TPH2: variants seen among roughly 807,000 people sequenced by gnomAD.
The protein encoded by TPH2 is tryptophan hydroxylase 2, also known as tryptophan 5-hydroxylase 2.
In TPH2, 27 loss-of-function variants were observed where a neutral mutation model predicts 59.1. The ratio of observed to expected loss-of-function variants is 0.46; its 90% CI spans 0.34 to 0.63. The LOEUF is 0.63. Among genes scored for constraint, TPH2 ranks in the 30% least tolerant of loss-of-function variants. The pLI is 0.01. For missense variants in TPH2, 523 were observed against 588.3 expected (o/e 0.89, Z 1.15); for synonymous variants, 220 against 210.5 (o/e 1.05, Z -0.39).
chr12:72,007,404 C>T (rs1016972006), intron 8 of TPH2, among the ~76,000 whole-genome samples: 1 of 152,162 alleles, frequency 6.6e-6, no homozygotes, highest in Non-Finnish European at 1.5e-5. Context: ...ATACATGCAG[C>T]CTTCCCTGAA....
At chr12:72,001,124 G>A (rs1208207093) in intron 8 of TPH2, among the ~76,000 whole-genome samples, 1 of 152,208 alleles carries the variant, frequency 6.6e-6, no homozygotes, top group Non-Finnish European at 1.5e-5. Flanking sequence ...TTCCAAAGCA[G>A]AATAAATCGG....
At chr12:71,951,376 G>T (rs1423532038) in intron 5 of TPH2, among the ~76,000 whole-genome samples, 1 of 152,112 alleles carries the variant, frequency 6.6e-6, no homozygotes, top group Non-Finnish European at 1.5e-5. Context: ...TTTGTAGCAT[G>T]ACCAGCCAGA....
At chr12:72,006,529 G>A (rs547257722) in intron 8 of TPH2, among the ~76,000 whole-genome samples, 227 of 152,114 alleles carry the variant, frequency 1.5e-3, no homozygotes, top group African/African-American at 5.2e-3. Flanking sequence ...GAAAGGTAGG[G>A]GATGAGGAAT....
intron 8 of TPH2, among the ~76,000 whole-genome samples, chr12:72,017,664 A>G (rs1180972828): frequency 1.3e-5 from 2 of 151,994 alleles, no homozygotes; most frequent in Non-Finnish European, 2.9e-5. Flanking sequence ...GCATATTTTT[A>G]TTTTTTTGTT....
At chr12:71,970,330 C>T (rs968275861) in intron 5 of TPH2, among the ~76,000 whole-genome samples, 1 of 152,146 alleles carries the variant, frequency 6.6e-6, no homozygotes, top group African/African-American at 2.4e-5. Context: ...TACATGACCA[C>T]TCATATTCCC....
In TPH2 at chr12:72,031,921, A is replaced by G. The variant is rs1370577429; in HGVS notation, c.*226A>G. 2 of 563,362 alleles carry G rather than the reference A, an allele frequency of 3.6e-6. No individual in the cohort carries two copies. The highest frequency in any genetic ancestry group is 2.0e-5 in the South Asian group (1 of 49,836). 34.9% of individuals were successfully genotyped at this position (563,362 alleles called of 1,614,324 possible). A position where few individuals can be genotyped will look rare whatever the true frequency, so the allele number is the denominator to read the frequency against. On this transcript the variant is annotated 3_prime_UTR_variant, in exon 11 of 11. Coordinates refer to ENST00000333850, the MANE Select transcript of TPH2 (RefSeq NM_173353.4). ...ATGAAATAACGTATTATGTTTAAAC[A>G]TCTTAAAAAGATTTGACATTCCTGC... is the stretch of plus-strand genomic sequence containing the variant.
chr12:71,991,439 T>G (rs906708048), intron 7 of TPH2, among the ~76,000 whole-genome samples: 1 of 152,240 alleles, frequency 6.6e-6, no homozygotes, highest in Non-Finnish European at 1.5e-5. Context: ...GTTACTTTAG[T>G]TTCCGCTCAC....
At chr12:71,992,348 G>T (rs1269591712) in intron 7 of TPH2, among the ~76,000 whole-genome samples, 1 of 152,146 alleles carries the variant, frequency 6.6e-6, no homozygotes, top group Non-Finnish European at 1.5e-5. Context: ...TTGGGAGGCC[G>T]AGGTGGGCGG....
intron 8 of TPH2, among the ~76,000 whole-genome samples, chr12:72,012,030 G>T (rs962294397): frequency 6.6e-6 from 1 of 152,166 alleles, no homozygotes; most frequent in Non-Finnish European, 1.5e-5. Flanking sequence ...CACTCAGAAG[G>T]CTGACATTGA....
chr12:71,959,710 C>A (rs1018751008), intron 5 of TPH2, among the ~76,000 whole-genome samples: 1 of 151,762 alleles, frequency 6.6e-6, no homozygotes, highest in Non-Finnish European at 1.5e-5. Flanking sequence ...TTTAGATAGG[C>A]GAATCTTAAT....
chr12:71,970,389 A>T (rs4362185), intron 5 of TPH2, among the ~76,000 whole-genome samples: 89,549 of 151,458 alleles, frequency 0.59, 26,719 homozygotes, highest in African/African-American at 0.65. Flanking sequence ...CCTGTATAAC[A>T]ATTTCTTCCT....
At chr12:72,025,127 C>T (rs1873531660) in intron 9 of TPH2, among the ~76,000 whole-genome samples, 1 of 152,164 alleles carries the variant, frequency 6.6e-6, no homozygotes, top group East Asian at 1.9e-4. Flanking sequence ...AAATGATAGT[C>T]CTGGACCCAT....
chr12:71,943,641 T>C (rs1871130681), intron 2 of TPH2, among the ~76,000 whole-genome samples: 1 of 152,058 alleles, frequency 6.6e-6, no homozygotes, highest in South Asian at 2.1e-4. Context: ...TCACCCTCCT[T>C]GCAATCATCT....
chr12:71,996,900 C>A (rs1238171492), intron 8 of TPH2, among the ~76,000 whole-genome samples: 1 of 152,160 alleles, frequency 6.6e-6, no homozygotes, highest in East Asian at 1.9e-4. Flanking sequence ...TGACAATGTT[C>A]TCCTCACTTT....
At chr12:72,012,676 G>A (rs1317912611) in intron 8 of TPH2, among the ~76,000 whole-genome samples, 1 of 152,242 alleles carries the variant, frequency 6.6e-6, no homozygotes, top group Non-Finnish European at 1.5e-5. Context: ...GAGTATCTTA[G>A]ATGGATCTTG....
chr12:71,947,957 G>C (rs534170729), intron 4 of TPH2, among the ~76,000 whole-genome samples: 1 of 152,090 alleles, frequency 6.6e-6, no homozygotes, highest in Non-Finnish European at 1.5e-5. Flanking sequence ...GCTTTTCACA[G>C]GACGCTTTTC....
rs41317122 is a variant in TPH2 at position 72,031,311 on chromosome 12, C to T, written c.1218C>T (p.Cys406=). The T allele has an allele frequency of 5.3e-5, 85 of 1,613,538 alleles. 1 individual carries two copies. The African/African-American group carries it at 9.6e-4, about 18-fold the overall frequency. Residue 406 remains cysteine, a synonymous_variant, in exon 10 of 11, where the codon TGC becomes TGT. Coordinates refer to ENST00000333850, the MANE Select transcript of TPH2 (RefSeq NM_173353.4). ...AAGCCTTTGACCCAAAGACAACTTGCTTACAGGAATGCCTTATCACCACCT... is the reference window on the plus strand; with the variant it reads ...AAGCCTTTGACCCAAAGACAACTTGTTTACAGGAATGCCTTATCACCACCT... ...CVKAFDPKTT[C]LQECLITTFQ...
At chr12:72,019,889 G>C (rs1873362997) in intron 8 of TPH2, among the ~76,000 whole-genome samples, 1 of 152,166 alleles carries the variant, frequency 6.6e-6, no homozygotes, top group Admixed American at 6.5e-5. Context: ...TACAACCCCG[G>C]GGTTGGAGTC....
intron 7 of TPH2, among the ~76,000 whole-genome samples, chr12:71,981,432 T>C (rs1479017535): frequency 6.6e-6 from 1 of 152,036 alleles, no homozygotes. Context: ...TGGGGAATTG[T>C]TGAGAATGAA....
Sources: allele counts gnomAD v4.1 joint callset (sites outside exome capture counted in the v4.1 genomes callset), GRCh38; gene constraint gnomAD v4.1.1; transcripts MANE v1.5; gene names NCBI Gene and HGNC (gene_info 2026-07-23, HGNC 2026-07-21).